SV2C: variants seen among roughly 807,000 people sequenced by gnomAD.
SV2C encodes the protein solute carrier family 22 member B3.
SV2C carries 49 observed loss-of-function variants against 79.7 expected under a neutral mutation model. The observed-to-expected ratio is 0.61, with a 90% CI of 0.49 to 0.78. SV2C has a LOEUF of 0.78. Ranked by LOEUF, SV2C falls within the 30% of genes least tolerant of loss-of-function variation. The pLI, the probability that SV2C is intolerant of heterozygous loss-of-function variation, is 0.00. For missense variants in SV2C, 833 were observed against 912.9 expected (o/e 0.91, Z 1.13); for synonymous variants, 334 against 333.2 (o/e 1.00, Z -0.03).
chr5:76,308,948 C>A (rs1295502571), intron 12 of SV2C, among the ~76,000 whole-genome samples: 1 of 152,014 alleles, frequency 6.6e-6, no homozygotes, highest in Non-Finnish European at 1.5e-5. Flanking sequence ...TTCTCATAAG[C>A]ACAAGCAAAC....
chr5:75,996,809 G>A, the SV2C span, among the ~76,000 whole-genome samples: 1 of 150,070 alleles, frequency 6.7e-6, no homozygotes, highest in Non-Finnish European at 1.5e-5. Flanking sequence ...GTATAGGAAC[G>A]CTTGTGATTT....
At chr5:75,997,987 T>C in the SV2C span, among the ~76,000 whole-genome samples, 3 of 151,916 alleles carry the variant, frequency 2.0e-5, no homozygotes, top group African/African-American at 7.3e-5. Flanking sequence ...GTGGTACATA[T>C]ACACCATGGA....
rs747975655 is a variant in SV2C, at chr5:76,132,023, G to A, written c.273G>A (p.Gly91=). 5.0e-6 allele frequency: 8 copies of A among 1,612,856 alleles called. No individual in the cohort carries two copies. The Admixed American group carries it at 1.3e-4, about 27-fold the overall frequency. Reference sequence around the variant, plus strand: ...ATGAAGATGATGAGATCTATGAGGGGGAGTATCAGGGCATCCCCAGTATGA... The same window carrying A: ...ATGAAGATGATGAGATCTATGAGGGAGAGTATCAGGGCATCCCCAGTATGA... ...GHDEDDEIYE[G]EYQGIPSMNQ... The change falls in exon 2 of 13, where the codon GGG becomes GGA. Residue 91 remains glycine, a synonymous_variant. Transcript: ENST00000502798.
At position 76,233,218 on chromosome 5, in the gene SV2C, A is replaced by C. The variant is rs376009428; in HGVS notation, c.913+23331A>C. 1.2e-3 allele frequency among the ~76,000 whole-genome samples: 148 copies of C among 118,792 alleles called. 6 individuals carry two copies. In the East Asian group the frequency reaches 0.023, roughly 19 times the overall value. 77.9% of individuals were successfully genotyped at this position (118,792 alleles called of 152,430 possible). On this transcript the variant is annotated intron_variant, in intron 4 of 12. Coordinates refer to ENST00000502798, the MANE Select transcript of SV2C (RefSeq NM_014979.4). ...TTGAAGCAATTGTGAATGGGAGTTC[A>C]CTCATGATTTGGCTCTCTGTTTGTC...
the SV2C span, among the ~76,000 whole-genome samples, chr5:75,990,025 G>A: frequency 6.6e-6 from 1 of 150,532 alleles, no homozygotes; most frequent in African/African-American, 2.4e-5. Flanking sequence ...TGTAGATGCT[G>A]AATATCAGGC....
intron 1 of SV2C, among the ~76,000 whole-genome samples, chr5:76,103,802 T>C (rs1427430330): frequency 1.3e-5 from 2 of 152,222 alleles, no homozygotes; most frequent in African/African-American, 2.4e-5. Context: ...GATGAAATAA[T>C]ATCTATTTTA....
At chr5:76,233,356 T>C (rs62361386) in intron 4 of SV2C, among the ~76,000 whole-genome samples, 27 of 137,490 alleles carry the variant, frequency 2.0e-4, no homozygotes, top group African/African-American at 7.4e-4. Flanking sequence ...CAATGGGGTT[T>C]TCTAGATATA....
chr5:76,260,239 T>G (rs1746418731), intron 4 of SV2C, among the ~76,000 whole-genome samples: 2 of 152,246 alleles, frequency 1.3e-5, no homozygotes, highest in African/African-American at 4.8e-5. Flanking sequence ...CATAAATGTC[T>G]TCTTTTGAGA....
the SV2C span, among the ~76,000 whole-genome samples, chr5:76,028,945 G>A: frequency 7.9e-5 from 12 of 152,194 alleles, no homozygotes; most frequent in Non-Finnish European, 1.8e-4. Context: ...AGCTGCCAGA[G>A]AACAGAAACC....
chr5:75,946,474 C>A, the SV2C span, among the ~76,000 whole-genome samples: 1 of 152,040 alleles, frequency 6.6e-6, no homozygotes, highest in East Asian at 1.9e-4. Flanking sequence ...ATTATTGTAG[C>A]TTTCTAGTAA....
At chr5:76,211,669 T>G (rs975319715) in intron 4 of SV2C, among the ~76,000 whole-genome samples, 11 of 152,240 alleles carry the variant, frequency 7.2e-5, no homozygotes, top group Non-Finnish European at 1.0e-4. Flanking sequence ...GCTTTTGTTT[T>G]AGAACATGGT....
chr5:76,030,278 T>TA, the SV2C span, among the ~76,000 whole-genome samples: 4 of 116,912 alleles, frequency 3.4e-5, no homozygotes, highest in African/African-American at 1.4e-4. Context: ...TTTTTTTTTT[T>TA]TTTTTTTTTT....
At chr5:76,226,167 CATTAGCCTGAGCAGTTA>C (rs1200117259) in intron 4 of SV2C, among the ~76,000 whole-genome samples, 2 of 152,116 alleles carry the variant, frequency 1.3e-5, no homozygotes, top group African/African-American at 4.8e-5. Flanking sequence ...GGAGGGTATA[CATTAGCCTGAGCAGTTA>C]GGTGGATGGC....
the SV2C span, among the ~76,000 whole-genome samples, chr5:75,982,533 G>C: frequency 6.6e-6 from 1 of 152,134 alleles, no homozygotes; most frequent in Non-Finnish European, 1.5e-5. Flanking sequence ...AATTAGTTTA[G>C]CCATTGTGGA....
At chr5:76,139,485 A>G (rs1749180552) in intron 2 of SV2C, among the ~76,000 whole-genome samples, 1 of 152,188 alleles carries the variant, frequency 6.6e-6, no homozygotes, top group Non-Finnish European at 1.5e-5. Context: ...TTTCATTTTA[A>G]TTGGCCAACT....
chr5:76,167,329 A>G (rs542562702), intron 2 of SV2C, among the ~76,000 whole-genome samples: 1 of 152,344 alleles, frequency 6.6e-6, no homozygotes, highest in South Asian at 2.1e-4. Flanking sequence ...TCAGTTTCAC[A>G]CGTCCCTTTT....
chr5:76,086,900 T>C (rs1331358973), intron 1 of SV2C, among the ~76,000 whole-genome samples: 2 of 152,202 alleles, frequency 1.3e-5, no homozygotes, highest in South Asian at 4.1e-4. Flanking sequence ...AGCAGTAGTA[T>C]TTGCACTTGA....
the SV2C span, among the ~76,000 whole-genome samples, chr5:75,881,710 G>A: frequency 7.5e-3 from 1,133 of 151,938 alleles, 40 homozygotes; most frequent in Admixed American, 0.06. Context: ...GAGACAATGG[G>A]GTTTTCTAGA....
intron 8 of SV2C, among the ~76,000 whole-genome samples, chr5:76,295,205 A>G (rs1307868271): frequency 6.6e-6 from 1 of 152,222 alleles, no homozygotes; most frequent in Admixed American, 6.5e-5. Flanking sequence ...TGGCAGATTC[A>G]GTGTGCAGTA....
Sources: allele counts gnomAD v4.1 joint callset (sites outside exome capture counted in the v4.1 genomes callset), GRCh38; gene constraint gnomAD v4.1.1; transcripts MANE v1.5; gene names NCBI Gene and HGNC (gene_info 2026-07-23, HGNC 2026-07-21).